The following CNTN4 variants were observed in gnomAD, a reference collection of about 807,000 sequenced individuals.
The protein encoded by CNTN4 is contactin-4.
Under a neutral mutation model 122.5 loss-of-function variants are expected in CNTN4, and 77 were observed. The observed-to-expected ratio is 0.63, with a 90% CI of 0.52 to 0.76. The LOEUF (loss-of-function observed/expected upper bound fraction) is 0.76, where lower values mean the gene tolerates loss of function less well. CNTN4 is among the 30% of genes least tolerant of loss of function. The pLI is 0.00. For missense variants in CNTN4, 1,256 were observed against 1,259.1 expected (o/e 1.00, Z 0.04); for synonymous variants, 512 against 447.0 (o/e 1.15, Z -1.83).
chr3:2,225,283 G>A (rs1383761978), intron 2 of CNTN4, among the ~76,000 whole-genome samples: 2 of 151,790 alleles, frequency 1.3e-5, no homozygotes, highest in Non-Finnish European at 2.9e-5. Context: ...GGGAGGCCGA[G>A]GCGGGTGGAT....
chr3:2,470,069 TC>T (rs1392248409), intron 3 of CNTN4, among the ~76,000 whole-genome samples: 2 of 147,426 alleles, frequency 1.4e-5, no homozygotes, highest in African/African-American at 4.9e-5. Context: ...TATGTTGCTT[TC>T]TTTTTTTTTT....
chr3:3,026,984 C>T (rs1698776837), intron 15 of CNTN4, among the ~76,000 whole-genome samples: 1 of 152,136 alleles, frequency 6.6e-6, no homozygotes, highest in African/African-American at 2.4e-5. Flanking sequence ...CTCCGGCTGC[C>T]ATTTTTATGA....
chr3:2,659,400 T>G (rs540048755), intron 4 of CNTN4, among the ~76,000 whole-genome samples: 3 of 141,336 alleles, frequency 2.1e-5, no homozygotes, highest in East Asian at 4.2e-4. Flanking sequence ...AGGTGGAGGT[T>G]GCGGTGAGCC....
chr3:2,377,959 AG>A (rs2045883552), intron 3 of CNTN4, among the ~76,000 whole-genome samples: 1 of 152,230 alleles, frequency 6.6e-6, no homozygotes, highest in African/African-American at 2.4e-5. Flanking sequence ...GTGGATTAAA[AG>A]AAAGACAAGT....
At chr3:2,413,878 G>A (rs576437707) in intron 3 of CNTN4, among the ~76,000 whole-genome samples, 40 of 152,204 alleles carry the variant, frequency 2.6e-4, no homozygotes, top group South Asian at 1.5e-3. Flanking sequence ...TTATTTTTCT[G>A]ACTACCTACC....
chr3:2,577,069 C>T (rs910652079), intron 4 of CNTN4, among the ~76,000 whole-genome samples: 1 of 152,176 alleles, frequency 6.6e-6, no homozygotes, highest in South Asian at 2.1e-4. Context: ...ATTTAACATA[C>T]TTTCTTAGGG....
intron 4 of CNTN4, among the ~76,000 whole-genome samples, chr3:2,655,121 C>A (rs922176793): frequency 2.6e-5 from 4 of 152,120 alleles, no homozygotes; most frequent in Non-Finnish European, 5.9e-5. Flanking sequence ...TGATATAAAT[C>A]CTGATATTTC....
intron 2 of CNTN4, among the ~76,000 whole-genome samples, chr3:2,336,697 C>T (rs901677338): frequency 2.6e-5 from 4 of 152,076 alleles, no homozygotes; most frequent in Non-Finnish European, 5.9e-5. Flanking sequence ...ATAGCTAAAA[C>T]CTAACCTCAT....
At chr3:2,144,417 C>T (rs563648110) in intron 2 of CNTN4, among the ~76,000 whole-genome samples, 6 of 152,280 alleles carry the variant, frequency 3.9e-5, no homozygotes, top group African/African-American at 1.4e-4. Context: ...TTCTACCTTA[C>T]GGGATTTTCA....
intron 2 of CNTN4, among the ~76,000 whole-genome samples, chr3:2,276,770 G>C (rs1028100030): frequency 2.6e-5 from 4 of 152,046 alleles, no homozygotes; most frequent in Non-Finnish European, 4.4e-5. Flanking sequence ...ACAAAAATTA[G>C]ATGGGCGTGG....
At position 3,005,544 on chromosome 3, in the gene CNTN4, A is replaced by G. The variant is rs530977713; in HGVS notation, c.1486+17072A>G. Among the ~76,000 whole-genome samples the G allele has an allele frequency of 6.8e-4, 103 of 152,306 alleles. 2 individuals are homozygous for G. Among genetic ancestry groups the G allele is most frequent in the African/African-American group, 2.3e-3 (94 of 41,552 alleles). On this transcript the variant is annotated intron_variant, in intron 14 of 24. Coordinates refer to ENST00000418658, the MANE Select transcript of CNTN4 (RefSeq NM_175607.3). ...ACAAGGATCCCCGTTTCCGCAGCGTAAGCAGAAATTTATTTCTCACAGTTC... is the reference window on the plus strand; with the variant it reads ...ACAAGGATCCCCGTTTCCGCAGCGTGAGCAGAAATTTATTTCTCACAGTTC...
chr3:2,183,669 G>T (rs1009617746), intron 2 of CNTN4, among the ~76,000 whole-genome samples: 3 of 152,086 alleles, frequency 2.0e-5, no homozygotes, highest in African/African-American at 7.2e-5. Flanking sequence ...AATAAATTAA[G>T]AATTTTGTGG....
At chr3:2,397,395 A>G (rs1258680343) in intron 3 of CNTN4, among the ~76,000 whole-genome samples, 8 of 152,068 alleles carry the variant, frequency 5.3e-5, no homozygotes, top group Admixed American at 4.6e-4. Context: ...TTAATATGTA[A>G]TGTCATGTTA....
intron 2 of CNTN4, among the ~76,000 whole-genome samples, chr3:2,193,806 A>G (rs1004632526): frequency 6.6e-6 from 1 of 152,222 alleles, no homozygotes; most frequent in Non-Finnish European, 1.5e-5. Flanking sequence ...AGATACACAA[A>G]TAACATTGTG....
intron 3 of CNTN4, among the ~76,000 whole-genome samples, chr3:2,405,615 ATAGATAG>A (rs1428268441): frequency 1.3e-5 from 2 of 151,794 alleles, no homozygotes; most frequent in African/African-American, 2.4e-5. Flanking sequence ...AGATAGATAG[ATAGATAG>A]ATAGATAGAT....
chr3:2,786,946 C>CTAT (rs1240038801), intron 6 of CNTN4, among the ~76,000 whole-genome samples: 1 of 152,112 alleles, frequency 6.6e-6, no homozygotes, highest in African/African-American at 2.4e-5. Context: ...ACAAATGGTT[C>CTAT]TATTTTTTAT....
At chr3:3,017,361 C>T (rs1697855690) in intron 14 of CNTN4, among the ~76,000 whole-genome samples, 1 of 152,074 alleles carries the variant, frequency 6.6e-6, no homozygotes, top group African/African-American at 2.4e-5. Flanking sequence ...AAAGGATTTT[C>T]CAAAGAGCAA....
intron 3 of CNTN4, among the ~76,000 whole-genome samples, chr3:2,481,067 T>TTCTTTCTTTCTTTCTTTCTTTCTC (rs1559592822): frequency 6.9e-6 from 1 of 144,122 alleles, no homozygotes; most frequent in African/African-American, 2.7e-5. Flanking sequence ...CTTTCTCTCT[T>TTCTTTCTTTCTTTCTTTCTTTCTC]TCTCTCTTTC....
chr3:2,845,143 A>AT (rs2093432708), intron 7 of CNTN4, among the ~76,000 whole-genome samples: 2 of 152,192 alleles, frequency 1.3e-5, no homozygotes, highest in Admixed American at 1.3e-4. Context: ...AAACAAGCCA[A>AT]TAAAAAAATT....
Sources: gnomAD v4.1 joint callset for allele counts (sites outside exome capture counted in the v4.1 genomes callset) on GRCh38, gnomAD v4.1.1 for gene constraint, MANE v1.5 for transcripts, NCBI Gene and HGNC (gene_info 2026-07-23, HGNC 2026-07-21) for gene names.